Variants in HDAC2 observed in about 807,000 individuals in gnomAD.
The protein encoded by HDAC2 is YY1-associated factor 1.
In HDAC2, 5 loss-of-function variants were observed where a neutral mutation model predicts 68.5. That is an observed-to-expected ratio of 0.07 (90% CI 0.04 to 0.15). HDAC2 has a LOEUF of 0.15. Ranked by LOEUF, HDAC2 falls within the 10% of genes least tolerant of loss-of-function variation. The pLI, the probability that HDAC2 is intolerant of heterozygous loss-of-function variation, is 1.00. For synonymous variants in HDAC2, 182 were observed against 191.3 expected, an observed-to-expected ratio of 0.95 and a Z score of 0.40; for missense variants, 291 against 600.8, an observed-to-expected ratio of 0.48 and a Z score of 5.39.
In HDAC2 at chr6:113,940,081, C is replaced by T. The variant is rs1358018574; in HGVS notation, c.*977G>A. ...GGAGTTACCCCCATTTGTCTGCTTC[C>T]TGCTACTAGAATGTAAGCTCTGAGT... On this transcript the variant is annotated 3_prime_UTR_variant, in exon 14 of 14. Coordinates refer to ENST00000519065, the MANE Select transcript of HDAC2 (RefSeq NM_001527.4). 2 of 152,158 alleles carry T rather than the reference C, an allele frequency of 1.3e-5. No individual in the cohort carries two copies. The highest frequency in any genetic ancestry group is 2.9e-5 in the Non-Finnish European group (2 of 68,030). 9.4% of individuals were successfully genotyped at this position (152,158 alleles called of 1,614,324 possible).
Position 113,936,999 on chromosome 6 carries a change from A to AG in HDAC2, c.*4058dup, listed in dbSNP as rs1174150167. ...AGAGTGAGACTCTTTCAAAAAAAAA[A>AG]GAAAAAAAAATAGCAGCTAACCCTT... On this transcript the variant is annotated 3_prime_UTR_variant, in exon 14 of 14. Transcript: ENST00000519065. 1 of 151,948 alleles carries AG rather than the reference A, an allele frequency of 6.6e-6. No individual in the cohort carries two copies. The highest frequency in any genetic ancestry group is 1.5e-5 in the Non-Finnish European group (1 of 68,004). The allele number at this position is 151,948 out of a possible 1,614,324, so 9.4% of individuals were successfully genotyped here.
At chr6:113,943,277 A>G (rs1776183944) in intron 12 of HDAC2, 74 bp downstream of exon 12, 3 of 1,205,014 alleles carry the variant, frequency 2.5e-6, no homozygotes, top group East Asian at 4.8e-5. Flanking sequence ...ACTTCTCGAT[A>G]GCATAAACAT....
At chr6:113,959,619 A>AC (rs1477559182) in intron 2 of HDAC2, 2 of 161,508 alleles carry the variant, frequency 1.2e-5, no homozygotes, top group African/African-American at 5.0e-5. Context: ...AAAAAAAAAA[A>AC]TACTTAATAT....
chr6:113,944,439 C>T lies in HDAC2; in HGVS notation c.1092-29G>A. 2.5e-6 allele frequency: 4 copies of T among 1,595,176 alleles called. No homozygotes were observed. The South Asian group carries it at 4.5e-5, about 18-fold the overall frequency. ...AATTACACATGCAAAGTTTATTAGACAAAATTAAATTTCTTTGCAGTTCTT... is the reference window on the plus strand; with the variant it reads ...AATTACACATGCAAAGTTTATTAGATAAAATTAAATTTCTTTGCAGTTCTT... On this transcript the variant is annotated intron_variant, in intron 10 of 13. Coordinates refer to ENST00000519065, the MANE Select transcript of HDAC2 (RefSeq NM_001527.4).
At position 113,953,319 on chromosome 6, in the gene HDAC2, G is replaced by A; in HGVS notation, c.597C>T (p.Phe199=). The A allele has an allele frequency of 6.2e-7, 1 of 1,608,110 alleles. No individual in the cohort carries two copies. The highest frequency in any genetic ancestry group is 1.3e-5 in the African/African-American group (1 of 74,890). The change falls in exon 6 of 14, where the codon TTC becomes TTT. Residue 199 remains phenylalanine (F), a synonymous_variant. Coordinates refer to ENST00000519065, the MANE Select transcript of HDAC2 (RefSeq NM_001527.4). ...CAGGAAAGTATTCCCCATATTTATG[G>A]AATGATACCGTCATTACACGATCTG... The part of the protein sequence containing the change: ...YTTDRVMTVS[F]HKYGEYFPGT...
At chr6:113,956,825 T>C in intron 3 of HDAC2, 132 bp from the exon 4 acceptor site, 1 of 621,182 alleles carries the variant, frequency 1.6e-6, no homozygotes. Flanking sequence ...CAGTATAATA[T>C]AAAGTTTCCA....
rs777510155 is a variant in HDAC2, at chr6:113,971,101, G to A, written c.-193C>T. The A allele has an allele frequency of 1.9e-6, 3 of 1,540,754 alleles. No individual in the cohort carries two copies. Among genetic ancestry groups the A allele is most frequent in the Non-Finnish European group, 2.6e-6 (3 of 1,140,584 alleles). ...CTCGGTACCACCCGGCAGAGGTGCC[G>A]AAAGCTCGGAATCGGAGGTGGCAGC... On this transcript the variant is annotated 5_prime_UTR_variant, in exon 1 of 14. Transcript: ENST00000519065.
intron 1 of HDAC2, 120 bp downstream of exon 1, chr6:113,970,737 G>A (rs1776978316): frequency 4.9e-6 from 7 of 1,415,250 alleles, no homozygotes; most frequent in South Asian, 3.1e-5. Context: ...GTTAAGATGC[G>A]GCCAAATGTC....
chr6:113,943,346 C>A lies in HDAC2; in HGVS notation c.1378+5G>T. On this transcript the variant is annotated splice_donor_5th_base_variant and intron_variant, in intron 12 of 13. Transcript: ENST00000519065. ...AAAACACAATTACCAAGAAACAAAT[C>A]TGACCTGTTTTTTTGTCCTCTGTTT... 1 of 1,592,526 alleles carries A rather than the reference C, an allele frequency of 6.3e-7. No individual in the cohort carries two copies. The highest frequency in any genetic ancestry group is 8.5e-7 in the Non-Finnish European group (1 of 1,172,634).
chr6:113,949,804 C>T (rs1051082436), intron 6 of HDAC2, among the ~76,000 whole-genome samples: 10 of 150,594 alleles, frequency 6.6e-5, no homozygotes, highest in Non-Finnish European at 1.0e-4. Flanking sequence ...TTTTTTGAGA[C>T]AGAGTTTTGC....
At position 113,940,818 on chromosome 6, in the gene HDAC2, C is replaced by G; in HGVS notation, c.*240G>C. On this transcript the variant is annotated 3_prime_UTR_variant, in exon 14 of 14. Transcript: ENST00000519065. ...TAGATCAGTTTTTTTGACATAATAACTCACATCAATTTTAAATACTATCAC... is the reference window on the plus strand; with the variant it reads ...TAGATCAGTTTTTTTGACATAATAAGTCACATCAATTTTAAATACTATCAC... 2.6e-6 allele frequency: 1 copy of G among 385,658 alleles called. No individual in the cohort carries two copies. Among genetic ancestry groups the G allele is most frequent in the Non-Finnish European group, 4.6e-6 (1 of 216,330 alleles). 23.9% of individuals were successfully genotyped at this position (385,658 alleles called of 1,614,324 possible).
rs547401562 is a variant in HDAC2, at chr6:113,941,452, G to C, written c.1436+256C>G. 1.3e-4 allele frequency among the ~76,000 whole-genome samples: 20 copies of C among 151,962 alleles called. No homozygotes were observed. The South Asian group carries it at 4.2e-3, about 32-fold the overall frequency. Reference sequence around the variant, plus strand: ...AAAACCATTAAGTGCATATATAAAAGATAACAGCAAAAAAGGGTCTCAGAT... The same window carrying C: ...AAAACCATTAAGTGCATATATAAAACATAACAGCAAAAAAGGGTCTCAGAT... On this transcript the variant is annotated intron_variant, in intron 13 of 13. Coordinates refer to ENST00000519065, the MANE Select transcript of HDAC2 (RefSeq NM_001527.4).
Position 113,946,045 on chromosome 6 carries a change from A to T in HDAC2, c.945T>A (p.Tyr315Ter). ...TIRNVARCWT[Y>*]ETAVALDCEI... ...CACAATCAAGGGCAACTGCAGTCTC[A>T]TATGTCCAACATCGAGCAACATTAC... The change falls in exon 9 of 14, where the codon TAT (tyrosine) becomes TAA (stop). Residue 315 changes from tyrosine to a stop codon, truncating the protein, a stop_gained. Transcript: ENST00000519065. LOFTEE classifies it high-confidence loss of function. 6.2e-7 allele frequency: 1 copy of T among 1,613,200 alleles called. No individual in the cohort carries two copies. Among genetic ancestry groups the T allele is most frequent in the Non-Finnish European group, 8.5e-7 (1 of 1,179,166 alleles).
At position 113,935,242 on chromosome 6, in the gene HDAC2, T is replaced by C. The variant is rs911173643; in HGVS notation, c.*5816A>G. 3.3e-5 allele frequency: 5 copies of C among 152,254 alleles called. No homozygotes were observed. The highest frequency in any genetic ancestry group is 7.3e-5 in the Non-Finnish European group (5 of 68,044). The allele number at this position is 152,254 out of a possible 1,614,324, so 9.4% of individuals were successfully genotyped here. On this transcript the variant is annotated 3_prime_UTR_variant, in exon 14 of 14. Transcript: ENST00000519065. ...GCATTTCTCACTTAAGGACATAGCA[T>C]ATTTAAAAAATAAGAGCAAAAGGGG...
At chr6:113,945,593 G>A (rs1582478968) in intron 9 of HDAC2, 123 bp from the exon 10 acceptor site, 2 of 682,244 alleles carry the variant, frequency 2.9e-6, no homozygotes, top group Non-Finnish European at 5.2e-6. Flanking sequence ...TGAACACAAA[G>A]TGAATGTTCT....
chr6:113,946,254 T>C (rs1776261459), intron 8 of HDAC2, 106 bp from the exon 9 acceptor site: 1 of 826,246 alleles, frequency 1.2e-6, no homozygotes, highest in Middle Eastern at 3.1e-4. Flanking sequence ...CCAAAATGGG[T>C]TTTCTAAATA....
rs750391829 is a variant in HDAC2, at chr6:113,944,306, C to G, written c.1196G>C (p.Gly399Ala). ...AVHEDSGDED[G>A]EDPDKRISIR... ...AGAAATTCTCTTGTCTGGATCTTCT[C>G]CATCTTCATCTCCACTGTCTTCATG... Residue 399 changes from glycine (G) to alanine (A), a missense_variant, in exon 11 of 14, where the codon GGA (glycine) becomes GCA (alanine). By Grantham distance (60) the Gly-to-Ala change is moderately conservative. Transcript: ENST00000519065. The G allele has an allele frequency of 6.2e-7, 1 of 1,612,538 alleles. No individual in the cohort carries two copies. The highest frequency in any genetic ancestry group is 1.1e-5 in the South Asian group (1 of 91,034).
rs1016634549 is a variant in HDAC2 at position 113,934,894 on chromosome 6, G to T, written c.*6164C>A. ...GGAAGGTGACAGCTAGTAATACGTT[G>T]GACTTGAATTATATTTTTTCCTGGA... On this transcript the variant is annotated 3_prime_UTR_variant, in exon 14 of 14. Transcript: ENST00000519065. 7 of 152,096 alleles carry T rather than the reference G, an allele frequency of 4.6e-5. No homozygotes were observed. In the South Asian group the frequency reaches 1.4e-3, roughly 31 times the overall value. The allele number at this position is 152,096 out of a possible 1,614,324, so 9.4% of individuals were successfully genotyped here.
At chr6:113,964,659 T>C (rs750038358) in intron 1 of HDAC2, among the ~76,000 whole-genome samples, 9 of 152,344 alleles carry the variant, frequency 5.9e-5, no homozygotes, top group African/African-American at 1.9e-4. Context: ...GTCTCAATAC[T>C]TCACCTGATA....
Sources: gnomAD v4.1 joint callset for allele counts (sites outside exome capture counted in the v4.1 genomes callset) on GRCh38, gnomAD v4.1.1 for gene constraint, MANE v1.5 for transcripts, NCBI Gene and HGNC (gene_info 2026-07-23, HGNC 2026-07-21) for gene names.